TMEM135: variants seen among roughly 807,000 people sequenced by gnomAD.
TMEM135 encodes the protein peroxisomal membrane protein 52.
Under a neutral mutation model 60.3 loss-of-function variants are expected in TMEM135, and 30 were observed. The observed-to-expected ratio is 0.50, with a 90% CI of 0.37 to 0.68. The LOEUF (loss-of-function observed/expected upper bound fraction) is 0.68, where lower values mean the gene tolerates loss of function less well. Ranked by LOEUF, TMEM135 falls within the 30% of genes least tolerant of loss-of-function variation. TMEM135 has a pLI of 0.00. For missense variants in TMEM135, 468 were observed against 548.8 expected (o/e 0.85, Z 1.47); for synonymous variants, 190 against 186.7 (o/e 1.02, Z -0.14).
chr11:87,145,590 C>T (rs751078791), intron 4 of TMEM135, among the ~76,000 whole-genome samples: 8 of 152,020 alleles, frequency 5.3e-5, no homozygotes, highest in African/African-American at 1.9e-4. Context: ...CTTGCCAACA[C>T]TTATCTTTCA....
chr11:87,161,341 CAGAA>C (rs1055382855), intron 5 of TMEM135, among the ~76,000 whole-genome samples: 10 of 152,136 alleles, frequency 6.6e-5, no homozygotes, highest in Non-Finnish European at 8.8e-5. Flanking sequence ...CTATTTCTGA[CAGAA>C]AGATGTAGTT....
intron 6 of TMEM135, among the ~76,000 whole-genome samples, chr11:87,281,882 C>T (rs900277282): frequency 2.6e-5 from 4 of 152,310 alleles, no homozygotes; most frequent in Non-Finnish European, 4.4e-5. Flanking sequence ...GAAGATTTCA[C>T]GTAGTTGAGC....
intron 8 of TMEM135, 126 bp from the exon 9 acceptor site, chr11:87,305,810 G>T: frequency 2.5e-6 from 1 of 396,374 alleles, no homozygotes; most frequent in Non-Finnish European, 4.5e-6. Context: ...TAAATAAAGT[G>T]ATGTTTTCTT....
At chr11:87,038,368 A>G (rs914304503) in intron 1 of TMEM135, among the ~76,000 whole-genome samples, 182 bp downstream of exon 1, 8 of 151,990 alleles carry the variant, frequency 5.3e-5, no homozygotes, top group African/African-American at 1.9e-4. Context: ...GGATATACCA[A>G]TTCCTGCAAG....
chr11:87,162,280 GT>G (rs2135274752), intron 5 of TMEM135, among the ~76,000 whole-genome samples: 1 of 151,650 alleles, frequency 6.6e-6, no homozygotes, highest in East Asian at 1.9e-4. Flanking sequence ...GTGCAGGTTT[GT>G]TGCATAGGTA....
At chr11:87,280,052 G>T (rs891789491) in intron 6 of TMEM135, among the ~76,000 whole-genome samples, 1 of 152,086 alleles carries the variant, frequency 6.6e-6, no homozygotes, top group Non-Finnish European at 1.5e-5. Flanking sequence ...AATTTTGAAG[G>T]TTATTATTTT....
At chr11:87,055,387 A>G (rs1453420660) in intron 1 of TMEM135, among the ~76,000 whole-genome samples, 1 of 152,236 alleles carries the variant, frequency 6.6e-6, no homozygotes, top group Admixed American at 6.5e-5. Context: ...AAGAAAAGTT[A>G]ACTGCCTACA....
At chr11:87,256,755 A>T (rs1203601543) in intron 6 of TMEM135, among the ~76,000 whole-genome samples, 1 of 152,174 alleles carries the variant, frequency 6.6e-6, no homozygotes, top group Non-Finnish European at 1.5e-5. Flanking sequence ...CTCTTCTTTC[A>T]AAGACAAGTA....
At chr11:87,155,424 T>C (rs1480568192) in intron 4 of TMEM135, among the ~76,000 whole-genome samples, 2 of 152,260 alleles carry the variant, frequency 1.3e-5, no homozygotes, top group Non-Finnish European at 2.9e-5. Context: ...CTTAAATTTA[T>C]GTCTTTGATC....
rs539115940 is a variant in TMEM135 at position 87,169,037 on chromosome 11, C to T, written c.462+11631C>T. 2.6e-5 allele frequency among the ~76,000 whole-genome samples: 4 copies of T among 151,964 alleles called. No individual in the cohort carries two copies. The South Asian group carries it at 8.3e-4, about 32-fold the overall frequency. ...AGTTAACTCATCTTGTTGCACTGAT[C>T]CCTTTGCCATTATGTAATGCCCTTC... On this transcript the variant is annotated intron_variant, in intron 5 of 14. Coordinates refer to ENST00000305494, the MANE Select transcript of TMEM135 (RefSeq NM_022918.4).
At chr11:87,069,676 AAG>A (rs1178952845) in intron 2 of TMEM135, among the ~76,000 whole-genome samples, 15 of 152,174 alleles carry the variant, frequency 9.9e-5, no homozygotes, top group African/African-American at 3.6e-4. Flanking sequence ...GAATATATTT[AAG>A]GTAACATTCA....
intron 5 of TMEM135, among the ~76,000 whole-genome samples, chr11:87,177,979 G>A (rs933199262): frequency 1.3e-5 from 2 of 152,184 alleles, no homozygotes; most frequent in Admixed American, 6.6e-5. Context: ...TGGACCTAAA[G>A]CTTCCATGCC....
intron 6 of TMEM135, among the ~76,000 whole-genome samples, chr11:87,239,094 A>G (rs1941071908): frequency 6.6e-6 from 1 of 152,072 alleles, no homozygotes; most frequent in South Asian, 2.1e-4. Context: ...GTGTAGAAAG[A>G]AAATCAACCC....
intron 6 of TMEM135, among the ~76,000 whole-genome samples, chr11:87,251,322 G>A (rs1941411600): frequency 6.6e-6 from 1 of 152,140 alleles, no homozygotes; most frequent in South Asian, 2.1e-4. Context: ...TTGAAGCATA[G>A]GCAGTAGGAA....
At position 87,297,854 on chromosome 11, in the gene TMEM135, C is replaced by T. The variant is rs569451497; in HGVS notation, c.551+2031C>T. 5.9e-5 allele frequency among the ~76,000 whole-genome samples: 9 copies of T among 152,264 alleles called. No homozygotes were observed. The South Asian group carries it at 1.5e-3, about 25-fold the overall frequency. On this transcript the variant is annotated intron_variant, in intron 7 of 14. Coordinates refer to ENST00000305494, the MANE Select transcript of TMEM135 (RefSeq NM_022918.4). ...CAAATTCAGTTTCGTAATCAATCTGCAGTGTGGTGAATTTGGATTCAAGAA... is the reference window on the plus strand; with the variant it reads ...CAAATTCAGTTTCGTAATCAATCTGTAGTGTGGTGAATTTGGATTCAAGAA...
At position 87,106,203 on chromosome 11, in the gene TMEM135, A is replaced by C. The variant is rs1857591847; in HGVS notation, c.396+14808A>C. Among the ~76,000 whole-genome samples, 4 of 151,822 alleles carry C rather than the reference A, an allele frequency of 2.6e-5. No individual in the cohort carries two copies. The South Asian group carries it at 8.3e-4, about 32-fold the overall frequency. ...ACTGCAACCTCCACCTCCTGGGTTC[A>C]AGTGATTCTCCTGCCTCAGCCTCCT... is the stretch of plus-strand genomic sequence containing the variant. On this transcript the variant is annotated intron_variant, in intron 4 of 14. Transcript: ENST00000305494.
intron 1 of TMEM135, among the ~76,000 whole-genome samples, chr11:87,044,848 C>T (rs1017805563): frequency 7.3e-5 from 11 of 151,454 alleles, no homozygotes; most frequent in Non-Finnish European, 1.3e-4. Context: ...TGGGTTTCAC[C>T]GTATTGGCCA....
At chr11:87,305,788 T>TAAAGAAAGAAAGAAAGAAAGAAAG (rs1942530469) in intron 8 of TMEM135, 148 bp from the exon 9 acceptor site, 1 of 357,170 alleles carries the variant, frequency 2.8e-6, no homozygotes, top group African/African-American at 2.3e-5. Context: ...AATAAATAAA[T>TAAAGAAAGAAAGAAAGAAAGAAAG]AAATAAATAA....
intron 5 of TMEM135, among the ~76,000 whole-genome samples, chr11:87,233,982 C>T (rs556612879): frequency 6.6e-5 from 10 of 152,068 alleles, no homozygotes; most frequent in Admixed American, 1.3e-4. Flanking sequence ...GATAAACTAG[C>T]ACAGTTTTAA....
Sources: allele counts gnomAD v4.1 joint callset (sites outside exome capture counted in the v4.1 genomes callset), GRCh38; gene constraint gnomAD v4.1.1; transcripts MANE v1.5; gene names NCBI Gene and HGNC (gene_info 2026-07-23, HGNC 2026-07-21).